CMSS1: variants seen among roughly 807,000 people sequenced by gnomAD.
CMSS1 encodes cms1 ribosomal small subunit homolog, also known as protein CMSS1.
CMSS1 carries 33 observed loss-of-function variants against 43.5 expected under a neutral mutation model. That is an observed-to-expected ratio of 0.76 (90% confidence interval 0.57 to 1.01). The LOEUF (loss-of-function observed/expected upper bound fraction) is 1.01. CMSS1 is among the 50% of genes least tolerant of loss of function. The probability of loss-of-function intolerance (pLI) is 0.00; values close to 1 mark genes in which losing one functional copy is unlikely to be tolerated. For synonymous variants in CMSS1, 115 were observed against 117.2 expected, an observed-to-expected ratio of 0.98 and a Z score of 0.12; for missense variants, 313 against 326.4, an observed-to-expected ratio of 0.96 and a Z score of 0.32.
intron 1 of CMSS1, among the ~76,000 whole-genome samples, chr3:99,979,345 GTA>G (rs1043818534): frequency 1.4e-4 from 22 of 152,158 alleles, no homozygotes; most frequent in African/African-American, 5.3e-4. Context: ...AAGCTTGTCT[GTA>G]TATACGGCTC....
At chr3:100,060,986 G>A (rs1226960293) in intron 1 of CMSS1, among the ~76,000 whole-genome samples, 1 of 152,160 alleles carries the variant, frequency 6.6e-6, no homozygotes, top group Non-Finnish European at 1.5e-5. Flanking sequence ...CGCACGAGGT[G>A]ATGAGTTGCA....
chr3:99,913,365 A>G (rs1706852958), intron 1 of CMSS1, among the ~76,000 whole-genome samples: 1 of 152,208 alleles, frequency 6.6e-6, no homozygotes, highest in Admixed American at 6.5e-5. Context: ...AATACTTGTT[A>G]TTATCTTTTT....
chr3:100,162,949 TG>T (rs2067036854), intron 4 of CMSS1, among the ~76,000 whole-genome samples: 2 of 152,172 alleles, frequency 1.3e-5, no homozygotes, highest in Admixed American at 6.5e-5. Flanking sequence ...CACTCCAGCC[TG>T]GGGGACAGAG....
chr3:99,819,600 G>A (rs1297167724), intron 1 of CMSS1, among the ~76,000 whole-genome samples: 1 of 152,182 alleles, frequency 6.6e-6, no homozygotes, highest in Non-Finnish European at 1.5e-5. Context: ...CATTGAAGAA[G>A]AGGTCTGGGA....
intron 1 of CMSS1, among the ~76,000 whole-genome samples, chr3:99,905,100 C>T (rs1706570519): frequency 6.6e-6 from 1 of 152,206 alleles, no homozygotes; most frequent in South Asian, 2.1e-4. Context: ...TCCAAGTTCT[C>T]TTTCTGTTTC....
At chr3:100,146,920 A>T in intron 1 of CMSS1, 53 bp from the exon 2 acceptor site, 1 of 1,576,408 alleles carries the variant, frequency 6.3e-7, no homozygotes, top group Non-Finnish European at 8.6e-7. Context: ...CCAAGATTGC[A>T]CTAGCAATGA....
intron 1 of CMSS1, among the ~76,000 whole-genome samples, chr3:100,125,802 AAAGT>A (rs1215854741): frequency 6.6e-6 from 1 of 152,168 alleles, no homozygotes; most frequent in African/African-American, 2.4e-5. Context: ...TTTTGGCATA[AAAGT>A]AAGGGAAACT....
chr3:99,973,449 C>A (rs1366016698), intron 1 of CMSS1, among the ~76,000 whole-genome samples: 1 of 152,114 alleles, frequency 6.6e-6, no homozygotes, highest in Non-Finnish European at 1.5e-5. Flanking sequence ...AAATAGAAAT[C>A]TAAAATATGC....
chr3:100,060,875 TA>T (rs1409282169), intron 1 of CMSS1, among the ~76,000 whole-genome samples: 2 of 151,656 alleles, frequency 1.3e-5, no homozygotes, highest in South Asian at 2.1e-4. Context: ...AAAATAAAAA[TA>T]AAAAACAAAT....
chr3:100,029,065 C>G (rs892900208), intron 1 of CMSS1, among the ~76,000 whole-genome samples: 3 of 152,028 alleles, frequency 2.0e-5, no homozygotes, highest in Non-Finnish European at 4.4e-5. Flanking sequence ...TGGTGCATGC[C>G]TATTGTCCCA....
intron 2 of CMSS1, 98 bp downstream of exon 2, chr3:100,147,159 G>T (rs2066859540): frequency 7.5e-7 from 1 of 1,337,368 alleles, no homozygotes; most frequent in Non-Finnish European, 1.0e-6. Flanking sequence ...TCGGTTGTTG[G>T]TGGGATTTAA....
At chr3:100,169,589 T>C (rs1440268078) in intron 6 of CMSS1, among the ~76,000 whole-genome samples, 1 of 152,240 alleles carries the variant, frequency 6.6e-6, no homozygotes, top group African/African-American at 2.4e-5. Flanking sequence ...AACCCTCCTT[T>C]CTCCACTGAA....
At chr3:99,951,063 G>A (rs554616699) in intron 1 of CMSS1, among the ~76,000 whole-genome samples, 36 of 152,230 alleles carry the variant, frequency 2.4e-4, no homozygotes, top group Admixed American at 1.3e-3. Flanking sequence ...TGCACCTAAC[G>A]TGCTGGCCTT....
chr3:99,876,230 A>T (rs963497342), intron 1 of CMSS1: 32 of 985,116 alleles, frequency 3.2e-5, no homozygotes, highest in Non-Finnish European at 3.6e-5. Flanking sequence ...TCTGCCTTAT[A>T]AGGCGCTCCG....
intron 1 of CMSS1, among the ~76,000 whole-genome samples, chr3:100,000,023 A>G (rs995178305): frequency 6.6e-6 from 1 of 152,224 alleles, no homozygotes; most frequent in Non-Finnish European, 1.5e-5. Context: ...CTCCACCTCC[A>G]GAGTCTTATT....
At chr3:99,852,595 A>AC in intron 1 of CMSS1, among the ~76,000 whole-genome samples, 1 of 152,076 alleles carries the variant, frequency 6.6e-6, no homozygotes, top group African/African-American at 2.4e-5. Flanking sequence ...ATAGGCACGC[A>AC]CCACCACGCC....
At chr3:100,022,051 A>G (rs921419059) in intron 1 of CMSS1, among the ~76,000 whole-genome samples, 7 of 151,848 alleles carry the variant, frequency 4.6e-5, no homozygotes, top group African/African-American at 1.7e-4. Flanking sequence ...TCCATAAAGC[A>G]TTTGCAGTAG....
At chr3:99,831,386 AC>A in intron 1 of CMSS1, among the ~76,000 whole-genome samples, 1 of 152,346 alleles carries the variant, frequency 6.6e-6, no homozygotes, top group Admixed American at 6.5e-5. Flanking sequence ...ACTTACAGGT[AC>A]TTTTGATTTT....
At chr3:99,883,052 C>T (rs942532799) in intron 1 of CMSS1, among the ~76,000 whole-genome samples, 5 of 152,176 alleles carry the variant, frequency 3.3e-5, no homozygotes, top group African/African-American at 1.2e-4. Context: ...ATTTATGTCA[C>T]TAAGCATCCA....
Sources: allele counts gnomAD v4.1 joint callset (sites outside exome capture counted in the v4.1 genomes callset), GRCh38; gene constraint gnomAD v4.1.1; transcripts MANE v1.5; gene names NCBI Gene and HGNC (gene_info 2026-07-23, HGNC 2026-07-21).